PTPRD: variants seen among roughly 807,000 people sequenced by gnomAD.
PTPRD encodes receptor-type tyrosine-protein phosphatase delta.
In PTPRD, 34 loss-of-function variants were observed where a neutral mutation model predicts 214.5. That is an observed-to-expected ratio of 0.16 (90% CI 0.12 to 0.21). The LOEUF (loss-of-function observed/expected upper bound fraction) is 0.21. Ranked by LOEUF, PTPRD falls within the 10% of genes least tolerant of loss-of-function variation. The pLI is 1.00. For synonymous variants in PTPRD, 1,128 were observed against 845.7 expected (o/e 1.33, Z -5.79); for missense variants, 2,545 against 2,398.7 (o/e 1.06, Z -1.27).
intron 4 of PTPRD, among the ~76,000 whole-genome samples, chr9:9,953,271 C>T (rs1388256221): frequency 6.6e-6 from 1 of 151,984 alleles, no homozygotes; most frequent in East Asian, 1.9e-4. Flanking sequence ...GTGGACAGGC[C>T]TCATCGAATC....
intron 8 of PTPRD, among the ~76,000 whole-genome samples, chr9:9,533,338 CA>C (rs2075881072): frequency 6.6e-6 from 1 of 152,056 alleles, no homozygotes; most frequent in African/African-American, 2.4e-5. Flanking sequence ...TTTTCATTGT[CA>C]AACAATATGC....
intron 7 of PTPRD, among the ~76,000 whole-genome samples, chr9:9,620,960 C>T (rs1242472274): frequency 1.3e-5 from 2 of 152,002 alleles, no homozygotes; most frequent in Non-Finnish European, 2.9e-5. Flanking sequence ...CCAGTCAGTG[C>T]TCCACAGATG....
At chr9:8,666,138 T>C (rs1473621573) in intron 12 of PTPRD, among the ~76,000 whole-genome samples, 3 of 152,294 alleles carry the variant, frequency 2.0e-5, no homozygotes, top group African/African-American at 4.8e-5. Context: ...CATATTTTTA[T>C]ACTAAAGGCC....
chr9:9,948,526 G>A (rs1260102629), intron 4 of PTPRD, among the ~76,000 whole-genome samples: 2 of 152,004 alleles, frequency 1.3e-5, no homozygotes, highest in Admixed American at 6.6e-5. Context: ...AAAATGTAGA[G>A]ATAAATTAAA....
chr9:9,812,784 C>G (rs2047550060), intron 5 of PTPRD, among the ~76,000 whole-genome samples: 1 of 151,972 alleles, frequency 6.6e-6, no homozygotes, highest in South Asian at 2.1e-4. Flanking sequence ...TCAAATGGAC[C>G]TTGGAGACAT....
chr9:10,477,545 AGTTCGACCATTGT>A (rs1295837213), intron 2 of PTPRD, among the ~76,000 whole-genome samples: 2 of 152,210 alleles, frequency 1.3e-5, no homozygotes, highest in Non-Finnish European at 2.9e-5. Flanking sequence ...AGAGTAAATT[AGTTCGACCATTGT>A]GGAAGACAGT....
intron 9 of PTPRD, among the ~76,000 whole-genome samples, chr9:9,216,493 C>T (rs2099952335): frequency 6.6e-6 from 1 of 152,142 alleles, no homozygotes; most frequent in South Asian, 2.1e-4. Flanking sequence ...TCTTCTTTCT[C>T]CTCCCTCTCC....
chr9:10,092,562 T>C (rs564727671), intron 3 of PTPRD, among the ~76,000 whole-genome samples: 4 of 151,544 alleles, frequency 2.6e-5, no homozygotes, highest in African/African-American at 7.2e-5. Flanking sequence ...TATTACATTA[T>C]TCCTTTCAAA....
Position 9,278,106 on chromosome 9 carries a change from T to C in PTPRD, c.-202-94743A>G, listed in dbSNP as rs145988910. 2.0e-5 allele frequency among the ~76,000 whole-genome samples: 3 copies of C among 151,440 alleles called. 1 individual carries two copies. Among genetic ancestry groups the C allele is most frequent in the South Asian group, 4.2e-4 (2 of 4,818 alleles). Reference sequence around the variant, plus strand: ...GTTGTATGCTTTCCACGATTTGACATAGAATTAGACATTTTATTCAAATAA... The same window carrying C: ...GTTGTATGCTTTCCACGATTTGACACAGAATTAGACATTTTATTCAAATAA... On this transcript the variant is annotated intron_variant, in intron 9 of 45. Coordinates refer to ENST00000381196, the MANE Select transcript of PTPRD (RefSeq NM_002839.4).
In PTPRD at chr9:8,943,647, A is replaced by G; in HGVS notation, c.-104+75050T>C. ...AACCATTTATTCTGGGAAATAATAAATTATTTTCCAGATTATTTCCCAGAA... is the reference window on the plus strand; with the variant it reads ...AACCATTTATTCTGGGAAATAATAAGTTATTTTCCAGATTATTTCCCAGAA... On this transcript the variant is annotated intron_variant, in intron 11 of 45. Coordinates refer to ENST00000381196, the MANE Select transcript of PTPRD (RefSeq NM_002839.4). Among the ~76,000 whole-genome samples, 2 of 151,342 alleles carry G rather than the reference A, an allele frequency of 1.3e-5. 1 individual carries two copies. Among genetic ancestry groups the G allele is most frequent in the Non-Finnish European group, 3.0e-5 (2 of 67,768 alleles).
chr9:8,535,905 C>T (rs950748474), intron 14 of PTPRD, among the ~76,000 whole-genome samples: 1 of 151,760 alleles, frequency 6.6e-6, no homozygotes, highest in Non-Finnish European at 1.5e-5. Context: ...CTTACTAAAT[C>T]CCACCTTTAA....
chr9:9,183,572 C>T (rs1323609593), intron 9 of PTPRD, among the ~76,000 whole-genome samples: 1 of 151,970 alleles, frequency 6.6e-6, no homozygotes, highest in Non-Finnish European at 1.5e-5. Flanking sequence ...ATGGAAATCA[C>T]TATTGTTCAC....
At chr9:10,482,073 T>TA (rs199897352) in intron 2 of PTPRD, among the ~76,000 whole-genome samples, 1,934 of 151,640 alleles carry the variant, frequency 0.013, 39 homozygotes, top group African/African-American at 0.043. Context: ...GAAAATAAGA[T>TA]AAAAAAAACA....
rs1049677443 is a variant in PTPRD at position 8,317,772 on chromosome 9, C to G, written c.*102G>C. On this transcript the variant is annotated 3_prime_UTR_variant, in exon 46 of 46. Coordinates refer to ENST00000381196, the MANE Select transcript of PTPRD (RefSeq NM_002839.4). Reference sequence around the variant, plus strand: ...AATAGTCCCACTAAGTAGTTGTTAGCTAGAAGTTAAGAAGGACTTCTCAAG... The same window carrying G: ...AATAGTCCCACTAAGTAGTTGTTAGGTAGAAGTTAAGAAGGACTTCTCAAG... 3.1e-6 allele frequency: 3 copies of G among 977,612 alleles called. No homozygotes were observed. The highest frequency in any genetic ancestry group is 3.3e-5 in the African/African-American group (2 of 61,308). The allele number at this position is 977,612 out of a possible 1,614,324, so 60.6% of individuals were successfully genotyped here. A position where few individuals can be genotyped will look rare whatever the true frequency, so the allele number is the denominator to read the frequency against.
chr9:9,051,589 T>C (rs1312448704), intron 10 of PTPRD, among the ~76,000 whole-genome samples: 2 of 152,064 alleles, frequency 1.3e-5, no homozygotes, highest in African/African-American at 4.8e-5. Flanking sequence ...CTTGCAAAAA[T>C]GAGGTAGAAC....
intron 5 of PTPRD, among the ~76,000 whole-genome samples, chr9:9,833,374 G>A (rs1038535527): frequency 5.7e-4 from 87 of 152,020 alleles, no homozygotes; most frequent in Non-Finnish European, 6.0e-4. Context: ...AGGGGAGGGA[G>A]TATACGAATA....
At chr9:10,375,267 A>G (rs1453482235) in intron 2 of PTPRD, among the ~76,000 whole-genome samples, 1 of 152,066 alleles carries the variant, frequency 6.6e-6, no homozygotes, top group African/African-American at 2.4e-5. Context: ...AAAATTATAT[A>G]CAGAATGCTT....
intron 9 of PTPRD, among the ~76,000 whole-genome samples, chr9:9,249,542 T>C (rs1427152988): frequency 2.0e-5 from 3 of 152,116 alleles, no homozygotes. Flanking sequence ...ATTTGGATTC[T>C]CTCTCCATTT....
rs1197432521 is a variant in PTPRD, at chr9:10,454,984, T to A, written c.-599-113967A>T. Reference sequence around the variant, plus strand: ...GAGGACAAAAATATTTTTAGAATATTTTCTCCAGAGATGCATAGTGTATAT... The same window carrying A: ...GAGGACAAAAATATTTTTAGAATATATTCTCCAGAGATGCATAGTGTATAT... On this transcript the variant is annotated intron_variant, in intron 2 of 45. Coordinates refer to ENST00000381196, the MANE Select transcript of PTPRD (RefSeq NM_002839.4). Among the ~76,000 whole-genome samples the A allele has an allele frequency of 2.6e-5, 4 of 151,694 alleles. No homozygotes were observed. In the East Asian group the frequency reaches 7.7e-4, roughly 29 times the overall value.
Sources: gnomAD v4.1 joint callset for allele counts (sites outside exome capture counted in the v4.1 genomes callset) on GRCh38, gnomAD v4.1.1 for gene constraint, MANE v1.5 for transcripts, NCBI Gene and HGNC (gene_info 2026-07-23, HGNC 2026-07-21) for gene names.